MRC2: variants seen among roughly 807,000 people sequenced by gnomAD.
The protein encoded by MRC2 is mannose receptor C-type 2.
A neutral mutation model predicts 206.2 loss-of-function variants in MRC2; 84 were observed. The ratio of observed to expected loss-of-function variants is 0.41; its 90% CI spans 0.34 to 0.49. The LOEUF (loss-of-function observed/expected upper bound fraction) is 0.49, where lower values mean the gene tolerates loss of function less well. Among genes scored for constraint, MRC2 ranks in the 20% least tolerant of loss-of-function variants. The probability of loss-of-function intolerance (pLI) is 0.31; values close to 1 mark genes in which losing one functional copy is unlikely to be tolerated. For missense variants in MRC2, 1,676 were observed against 2,001.5 expected (o/e 0.84, Z 3.10); for synonymous variants, 798 against 800.0 (o/e 1.00, Z 0.04).
At position 62,672,762 on chromosome 17, in the gene MRC2, C is replaced by A. The variant is rs1302644519; in HGVS notation, c.1461+610C>A. ...ATCCCAGCACATTGGGAGGCTGAGG[C>A]AGGCGGATCACTTGAGGTGAGGAGT... On this transcript the variant is annotated intron_variant, in intron 8 of 29. Coordinates refer to ENST00000303375, the MANE Select transcript of MRC2 (RefSeq NM_006039.5). The surrounding 1 kb of genome is among the most constrained non-coding windows in gnomAD (Gnocchi z 4.5). Among the ~76,000 whole-genome samples, 2 of 152,152 alleles carry A rather than the reference C, an allele frequency of 1.3e-5. No individual in the cohort carries two copies. The highest frequency in any genetic ancestry group is 2.9e-5 in the Non-Finnish European group (2 of 68,030).
Position 62,652,288 on chromosome 17 carries a change from A to T in MRC2, c.119-12260A>T, listed in dbSNP as rs1415897320. Reference sequence around the variant, plus strand: ...CATGATTTTAAGAAAGGGCAGGCGCACAACACCCCCGCACGGAGAAATGAA... The same window carrying T: ...CATGATTTTAAGAAAGGGCAGGCGCTCAACACCCCCGCACGGAGAAATGAA... On this transcript the variant is annotated intron_variant, in intron 1 of 29. Transcript: ENST00000303375. The surrounding 1 kb of genome is among the most constrained non-coding windows in gnomAD (Gnocchi z 4.6). Among the ~76,000 whole-genome samples the T allele has an allele frequency of 6.6e-6, 1 of 152,262 alleles. No homozygotes were observed.
At chr17:62,636,507 C>G (rs188997013) in intron 1 of MRC2, among the ~76,000 whole-genome samples, 1 of 133,730 alleles carries the variant, frequency 7.5e-6, no homozygotes, top group Non-Finnish European at 1.5e-5. Flanking sequence ...CTCGCTCTGT[C>G]GCCCAGGCTG....
In MRC2 at chr17:62,652,812, G is replaced by T. The variant is rs2088571965; in HGVS notation, c.119-11736G>T. On this transcript the variant is annotated intron_variant, in intron 1 of 29. Transcript: ENST00000303375. This position sits in a 1 kb window ranked among gnomAD's most constrained non-coding sequence, Gnocchi z 4.6. Reference sequence around the variant, plus strand: ...GGGGGAGGGGTGCTCGGTGGAGGGAGGGGCACACGGTGGCGGGGGGAGGGG... The same window carrying T: ...GGGGGAGGGGTGCTCGGTGGAGGGATGGGCACACGGTGGCGGGGGGAGGGG... 6.8e-6 allele frequency among the ~76,000 whole-genome samples: 1 copy of T among 147,274 alleles called. No homozygotes were observed. The highest frequency in any genetic ancestry group is 2.3e-4 in the South Asian group (1 of 4,438).
chr17:62,636,735 T>C (rs2088325915), intron 1 of MRC2, among the ~76,000 whole-genome samples: 1 of 152,104 alleles, frequency 6.6e-6, no homozygotes, highest in Admixed American at 6.6e-5. Context: ...GCCTCCCAAG[T>C]GCTGCGATTA....
intron 8 of MRC2, among the ~76,000 whole-genome samples, chr17:62,673,283 C>T (rs528170293): frequency 4.6e-5 from 7 of 152,022 alleles, no homozygotes; most frequent in Non-Finnish European, 1.0e-4. Flanking sequence ...CTGGGGAGGG[C>T]GAAGACAGAA....
chr17:62,629,097 C>G (rs1237661770), intron 1 of MRC2, among the ~76,000 whole-genome samples: 2 of 152,222 alleles, frequency 1.3e-5, no homozygotes. Context: ...AATTCTGGGC[C>G]CACCTGGCAT....
intron 19 of MRC2, 93 bp from the exon 20 acceptor site, chr17:62,682,142 A>T: frequency 2.2e-6 from 3 of 1,346,032 alleles, no homozygotes; most frequent in Non-Finnish European, 2.0e-6. Context: ...CTCTGCCCAG[A>T]CTCCTCTCAG....
chr17:62,645,514 TA>T (rs2088467535), intron 1 of MRC2, among the ~76,000 whole-genome samples: 18 of 69,026 alleles, frequency 2.6e-4, no homozygotes, highest in African/African-American at 1.0e-3. Flanking sequence ...TATATATATA[TA>T]TATATATATA....
In MRC2 at chr17:62,679,777, C is replaced by T. The variant is rs766241419; in HGVS notation, c.2196-23C>T. 1.1e-5 allele frequency: 17 copies of T among 1,609,904 alleles called. No individual in the cohort carries two copies. The African/African-American group carries it at 1.9e-4, about 18-fold the overall frequency. On this transcript the variant is annotated intron_variant, in intron 13 of 29. Coordinates refer to ENST00000303375, the MANE Select transcript of MRC2 (RefSeq NM_006039.5). ...CCTCTCACTTCCCATCTCTTCCGTC[C>T]CCACTCCTGGGTTGTGCTGAAGTGA...
rs760171281 is a variant in MRC2, at chr17:62,688,842, C to G, written c.3226-10C>G. 1 of 1,603,748 alleles carries G rather than the reference C, an allele frequency of 6.2e-7. No homozygotes were observed. Among genetic ancestry groups the G allele is most frequent in the East Asian group, 2.2e-5 (1 of 44,626 alleles). ...TGCTGGGGCTCCCCTGAGCAGCTCCCTCCCCCCAGACCAGCTGTGCAGTGG... is the reference window on the plus strand; with the variant it reads ...TGCTGGGGCTCCCCTGAGCAGCTCCGTCCCCCCAGACCAGCTGTGCAGTGG... On this transcript the variant is annotated splice_polypyrimidine_tract_variant and intron_variant, in intron 22 of 29. Transcript: ENST00000303375.
intron 1 of MRC2, chr17:62,661,581 C>CTTCA (rs2088682308): frequency 6.3e-5 from 1 of 15,938 alleles, no homozygotes; most frequent in South Asian, 3.1e-3. Context: ...TCCTTCATTC[C>CTTCA]TTCCTTCCTT....
chr17:62,673,002 A>AT (rs1555678722), intron 8 of MRC2, among the ~76,000 whole-genome samples: 1 of 150,800 alleles, frequency 6.6e-6, no homozygotes, highest in Non-Finnish European at 1.5e-5. Flanking sequence ...AAAAAAAAAA[A>AT]AATAAAATAA....
Position 62,666,581 on chromosome 17 carries a change from TGAGCATCACG to T in MRC2, c.825_834del (p.Ser275ArgfsTer23). ...TGCGAGCAGCAGGGTGCGGATCTGC[TGAGCATCACG>T]GAGATCCACGAGCAGACCTACATCA... On this transcript the variant is annotated frameshift_variant, in exon 4 of 30. Coordinates refer to ENST00000303375, the MANE Select transcript of MRC2 (RefSeq NM_006039.5). LOFTEE classifies it high-confidence loss of function. The surrounding 1 kb of genome is among the most constrained non-coding windows in gnomAD (Gnocchi z 5.0). 6.2e-7 allele frequency: 1 copy of T among 1,607,418 alleles called. No homozygotes were observed. The highest frequency in any genetic ancestry group is 2.2e-5 in the East Asian group (1 of 44,720).
chr17:62,669,903 C>T (rs1347182999), intron 6 of MRC2, among the ~76,000 whole-genome samples: 1 of 152,224 alleles, frequency 6.6e-6, no homozygotes, highest in African/African-American at 2.4e-5. Flanking sequence ...CGTAAGGGGC[C>T]AGGAGCAGAA....
intron 1 of MRC2, among the ~76,000 whole-genome samples, chr17:62,647,277 GGGTTCA>G (rs1451386311): frequency 6.8e-6 from 1 of 146,712 alleles, no homozygotes; most frequent in Non-Finnish European, 1.5e-5. Context: ...TCCGCCTCCT[GGGTTCA>G]AGTGATTCTC....
chr17:62,638,737 CAAAAAAAA>C (rs59450498), intron 1 of MRC2, among the ~76,000 whole-genome samples: 1 of 85,210 alleles, frequency 1.2e-5, no homozygotes, highest in Non-Finnish European at 2.2e-5. Flanking sequence ...AACCCTGTCT[CAAAAAAAA>C]AAAAAAAAAA....
Position 62,693,090 on chromosome 17 carries a change from G to C in MRC2, c.*639G>C, listed in dbSNP as rs1238867472. ...GGGTTGGGCCTGAGAACCAGGGCAC[G>C]GGTGTGGTGTCTGCTGGGCTGGAGA... On this transcript the variant is annotated 3_prime_UTR_variant, in exon 30 of 30. Transcript: ENST00000303375. The C allele has an allele frequency of 2.0e-5, 3 of 153,172 alleles. No homozygotes were observed. The highest frequency in any genetic ancestry group is 4.4e-5 in the Non-Finnish European group (3 of 68,476). The allele number at this position is 153,172 out of a possible 1,614,324, so 9.5% of individuals were successfully genotyped here. A position where few individuals can be genotyped will look rare whatever the true frequency, so the allele number is the denominator to read the frequency against.
chr17:62,659,546 A>C (rs578242743), intron 1 of MRC2, among the ~76,000 whole-genome samples: 1 of 127,498 alleles, frequency 7.8e-6, no homozygotes, highest in East Asian at 2.5e-4. Flanking sequence ...ACTCTGTATC[A>C]AAAAAAAAAA....
At chr17:62,663,931 G>A (rs976871236) in intron 1 of MRC2, among the ~76,000 whole-genome samples, 2 of 151,406 alleles carry the variant, frequency 1.3e-5, no homozygotes, top group Non-Finnish European at 2.9e-5. Flanking sequence ...AAGTATACAG[G>A]TGATGTGCCG....
Sources: gnomAD v4.1 joint callset for allele counts (sites outside exome capture counted in the v4.1 genomes callset) on GRCh38, gnomAD v4.1.1 for gene constraint, Gnocchi (gnomAD v3.1) non-coding constraint, MANE v1.5 for transcripts, NCBI Gene and HGNC (gene_info 2026-07-23, HGNC 2026-07-21) for gene names.